LGR6: variants seen among roughly 807,000 people sequenced by gnomAD.
LGR6 encodes the protein leucine-rich repeat-containing G protein-coupled receptor 6.
In LGR6, 45 loss-of-function variants were observed where a neutral mutation model predicts 69.4. The observed-to-expected ratio is 0.65, with a 90% CI of 0.51 to 0.83. The LOEUF is 0.83. LGR6 is among the 40% of genes least tolerant of loss of function. The pLI is 0.00. For missense variants in LGR6, 1,108 were observed against 1,246.7 expected (o/e 0.89, Z 1.68); for synonymous variants, 538 against 555.0 (o/e 0.97, Z 0.43).
At chr1:202,279,422 C>A (rs1052268005) in intron 5 of LGR6, among the ~76,000 whole-genome samples, 8 of 152,154 alleles carry the variant, frequency 5.3e-5, no homozygotes, top group Non-Finnish European at 8.8e-5. Context: ...TATATTTGAA[C>A]AACATCTTGG....
At chr1:202,214,994 T>G (rs996858961) in intron 1 of LGR6, among the ~76,000 whole-genome samples, 4 of 141,642 alleles carry the variant, frequency 2.8e-5, no homozygotes, top group African/African-American at 1.1e-4. Flanking sequence ...CACCTGGGTG[T>G]GTGTGTGTGT....
intron 3 of LGR6, among the ~76,000 whole-genome samples, chr1:202,230,808 C>T (rs1272097467): frequency 1.3e-5 from 2 of 152,184 alleles, no homozygotes; most frequent in Non-Finnish European, 2.9e-5. Flanking sequence ...CTCCTTATGC[C>T]AGATTGGCCT....
At chr1:202,308,074 A>G (rs1164518160) in intron 14 of LGR6, among the ~76,000 whole-genome samples, 1 of 152,152 alleles carries the variant, frequency 6.6e-6, no homozygotes, top group Non-Finnish European at 1.5e-5. Flanking sequence ...GTTAACACAA[A>G]GACTTCTTTT....
intron 1 of LGR6, chr1:202,194,471 C>A (rs2147880683): frequency 4.8e-6 from 3 of 621,738 alleles, no homozygotes; most frequent in Admixed American, 2.7e-5. Context: ...CCAGGCTTGG[C>A]GAGGTGGGTT....
intron 4 of LGR6, among the ~76,000 whole-genome samples, chr1:202,247,026 G>A (rs1270630968): frequency 6.6e-6 from 1 of 152,216 alleles, no homozygotes; most frequent in Non-Finnish European, 1.5e-5. Context: ...GACCCTTGAG[G>A]TCTAGTTCCC....
chr1:202,194,074 G>C lies in LGR6; in HGVS notation c.85G>C (p.Gly29Arg). 1 of 1,458,714 alleles carries C rather than the reference G, an allele frequency of 6.9e-7. No individual in the cohort carries two copies. The highest frequency in any genetic ancestry group is 9.0e-7 in the Non-Finnish European group (1 of 1,111,584). 90.4% of individuals were successfully genotyped at this position (1,458,714 alleles called of 1,614,324 possible). ...GAGGGCCGGCGGCGCCCCCCAGCCC[G>C]GCCCGGGGCCCACCGCCTGCCCGGC... ...SRRAGGAPQP[G>R]PGPTACPAPC... is the part of the protein sequence containing the mutation. Residue 29 changes from glycine to arginine, a missense_variant, in exon 1 of 18, where the codon GGC becomes CGC. Coordinates refer to ENST00000367278, the MANE Select transcript of LGR6 (RefSeq NM_001017403.2).
chr1:202,301,311 C>T (rs1177634365), intron 9 of LGR6, 76 bp downstream of exon 9: 21 of 1,256,208 alleles, frequency 1.7e-5, no homozygotes, highest in African/African-American at 5.9e-5. Context: ...TCCTGCCTAT[C>T]GCCTGCGGAT....
rs115030375 is a variant in LGR6 at position 202,216,612 on chromosome 1, C to T, written c.213-8811C>T. The stretch of plus-strand genomic sequence containing the variant: ...ACTGCGCTGGACAGTGTAGGTCTTG[C>T]GTTGTCTCTCAGAGAGGTAGTAGAG... On this transcript the variant is annotated intron_variant, in intron 1 of 17. Transcript: ENST00000367278. Among the ~76,000 whole-genome samples, 919 of 150,752 alleles carry T rather than the reference C, an allele frequency of 6.1e-3. 14 individuals carry two copies. The highest frequency in any genetic ancestry group is 0.021 in the African/African-American group (870 of 40,980).
intron 4 of LGR6, among the ~76,000 whole-genome samples, chr1:202,273,609 A>G (rs927831828): frequency 2.0e-5 from 3 of 151,556 alleles, no homozygotes; most frequent in Admixed American, 2.0e-4. Context: ...AGGCGTGTGC[A>G]ACCATGCCCG....
intron 4 of LGR6, among the ~76,000 whole-genome samples, chr1:202,239,241 A>G (rs1661931515): frequency 6.6e-6 from 1 of 152,180 alleles, no homozygotes; most frequent in South Asian, 2.1e-4. Context: ...GGGGTTACTC[A>G]TCCCTTCAAG....
chr1:202,241,426 C>A (rs1040057021), intron 4 of LGR6, among the ~76,000 whole-genome samples: 4 of 152,150 alleles, frequency 2.6e-5, no homozygotes, highest in Admixed American at 2.6e-4. Flanking sequence ...TGGGGGCCAG[C>A]CAGGCATTCT....
intron 1 of LGR6, chr1:202,214,011 C>T (rs1179770823): frequency 1.5e-6 from 2 of 1,322,098 alleles, no homozygotes; most frequent in East Asian, 3.1e-5. Context: ...CCAAATAGTT[C>T]GGGAGTTAGG....
chr1:202,264,337 A>G (rs111852748), intron 4 of LGR6, among the ~76,000 whole-genome samples: 189 of 152,296 alleles, frequency 1.2e-3, no homozygotes, highest in African/African-American at 4.5e-3. Context: ...GACAGCTTTT[A>G]AGTATCTTTA....
chr1:202,253,620 C>CTTTTT (rs71141468), intron 4 of LGR6, among the ~76,000 whole-genome samples: 7 of 52,460 alleles, frequency 1.3e-4, no homozygotes, highest in Admixed American at 2.9e-4. Flanking sequence ...TCCTACTATT[C>CTTTTT]TTTTTTTTTT....
At chr1:202,291,430 C>G (rs1439840076) in intron 6 of LGR6, among the ~76,000 whole-genome samples, 1 of 152,216 alleles carries the variant, frequency 6.6e-6, no homozygotes, top group Non-Finnish European at 1.5e-5. Flanking sequence ...ATCCCAAAGG[C>G]CAAGACACTG....
chr1:202,287,196 T>C (rs1418857840), intron 6 of LGR6, among the ~76,000 whole-genome samples: 1 of 152,180 alleles, frequency 6.6e-6, no homozygotes, highest in Non-Finnish European at 1.5e-5. Context: ...TATTCACTCA[T>C]TCCATAAATA....
rs766048959 is a variant in LGR6, at chr1:202,276,513, T to G, written c.636T>G (p.Leu212=). Residue 212 remains leucine, a synonymous_variant, in exon 5 of 18, where the codon CTT becomes CTG. Transcript: ENST00000367278. ...ACGCGTTCCAGAATCTCACCAGCCT[T>G]GTGGTGCTGTGAGTGCTGCTCTGTT... ...PDYAFQNLTS[L]VVLHLHNNRI... is the part of the protein sequence containing the mutation. 1.2e-6 allele frequency: 2 copies of G among 1,612,614 alleles called. No homozygotes were observed. Among genetic ancestry groups the G allele is most frequent in the Non-Finnish European group, 1.7e-6 (2 of 1,179,116 alleles).
intron 4 of LGR6, among the ~76,000 whole-genome samples, chr1:202,239,434 G>A (rs1661974604): frequency 6.6e-6 from 1 of 151,812 alleles, no homozygotes; most frequent in Non-Finnish European, 1.5e-5. Context: ...AAGATCTGGA[G>A]TTAGACGTGG....
At chr1:202,241,471 C>T (rs1298931393) in intron 4 of LGR6, among the ~76,000 whole-genome samples, 6 of 152,222 alleles carry the variant, frequency 3.9e-5, no homozygotes, top group Admixed American at 1.3e-4. Flanking sequence ...GGTACACAAA[C>T]TGTTTGGCTT....
Sources: gnomAD v4.1 joint callset for allele counts (sites outside exome capture counted in the v4.1 genomes callset) on GRCh38, gnomAD v4.1.1 for gene constraint, MANE v1.5 for transcripts, NCBI Gene and HGNC (gene_info 2026-07-23, HGNC 2026-07-21) for gene names.